FRMD4B: variants seen among roughly 807,000 people sequenced by gnomAD.
FRMD4B encodes FERM domain containing 4B.
Under a neutral mutation model 141.5 loss-of-function variants are expected in FRMD4B, and 74 were observed. That is an observed-to-expected ratio of 0.52 (90% CI 0.43 to 0.63). FRMD4B has a LOEUF of 0.63. Among genes scored for constraint, FRMD4B ranks in the 30% least tolerant of loss-of-function variants. FRMD4B has a pLI of 0.00. For synonymous variants in FRMD4B, 506 were observed against 467.9 expected (o/e 1.08, Z -1.05); for missense variants, 1,366 against 1,253.4 (o/e 1.09, Z -1.36).
intron 1 of FRMD4B, among the ~76,000 whole-genome samples, chr3:69,456,134 A>C (rs369165529): frequency 4.6e-5 from 7 of 152,330 alleles, no homozygotes; most frequent in East Asian, 1.9e-4. Flanking sequence ...GGATGCCCCC[A>C]GAGACAAAAC....
intron 1 of FRMD4B, among the ~76,000 whole-genome samples, chr3:69,375,006 A>G (rs1703928220): frequency 6.8e-6 from 1 of 146,664 alleles, no homozygotes; most frequent in Admixed American, 6.9e-5. Context: ...CTACCCACCA[A>G]CCCACCCACC....
chr3:69,247,229 C>T (rs374066037), intron 7 of FRMD4B, among the ~76,000 whole-genome samples: 3 of 152,020 alleles, frequency 2.0e-5, no homozygotes, highest in Non-Finnish European at 4.4e-5. Context: ...GGAAAGGTAC[C>T]ATTTTACCGA....
chr3:69,437,765 C>A, intron 1 of FRMD4B, among the ~76,000 whole-genome samples: 1 of 125,982 alleles, frequency 7.9e-6, no homozygotes, highest in South Asian at 2.4e-4. Context: ...TGTATAAATA[C>A]TATATATACT....
At chr3:69,361,967 T>C (rs1450483820) in intron 1 of FRMD4B, among the ~76,000 whole-genome samples, 1 of 152,210 alleles carries the variant, frequency 6.6e-6, no homozygotes, top group Non-Finnish European at 1.5e-5. Flanking sequence ...ACACTGCCAA[T>C]ATATGAGAGA....
At chr3:69,237,290 A>C (rs1453682987) in intron 7 of FRMD4B, among the ~76,000 whole-genome samples, 1 of 152,252 alleles carries the variant, frequency 6.6e-6, no homozygotes, top group Admixed American at 6.5e-5. Flanking sequence ...CTCCTAAGCC[A>C]CAGGGTCTTT....
intron 2 of FRMD4B, among the ~76,000 whole-genome samples, chr3:69,393,380 T>C (rs527280439): frequency 6.6e-6 from 1 of 150,426 alleles, no homozygotes; most frequent in African/African-American, 2.4e-5. Flanking sequence ...CTTGTACCCA[T>C]TTTTACTAGT....
intron 2 of FRMD4B, among the ~76,000 whole-genome samples, chr3:69,405,615 C>A (rs1485345768): frequency 1.3e-5 from 2 of 152,332 alleles, no homozygotes; most frequent in African/African-American, 4.8e-5. Flanking sequence ...AGCCGATGTT[C>A]TCTACAAGGG....
At chr3:69,479,303 G>T (rs1037417313) in intron 1 of FRMD4B, among the ~76,000 whole-genome samples, 1 of 151,558 alleles carries the variant, frequency 6.6e-6, no homozygotes, top group African/African-American at 2.4e-5. Context: ...TCCTAGCCTC[G>T]ATGGTCTTTA....
At chr3:69,347,205 T>G (rs1702977160) in intron 1 of FRMD4B, among the ~76,000 whole-genome samples, 1 of 152,130 alleles carries the variant, frequency 6.6e-6, no homozygotes. Flanking sequence ...AAACAGACTT[T>G]AAACCAACAA....
At position 69,181,645 on chromosome 3, in the gene FRMD4B, A is replaced by G. The variant is rs748402987; in HGVS notation, c.2105T>C (p.Leu702Pro). Residue 702 changes from leucine to proline, a missense_variant, in exon 21 of 23, where the codon CTC becomes CCC. Leu to Pro is a moderately conservative substitution (Grantham distance 98). Transcript: ENST00000398540. Reference protein sequence around the residue: ...SGSLESQSHLLSEMDSDKPFF... With the variant: ...SGSLESQSHLPSEMDSDKPFF... ...TGGCTTATCGCTGTCCATCTCGGAG[A>G]GCAGGTGGGACTGGGACTCCAGGCT... 5 of 1,613,364 alleles carry G rather than the reference A, an allele frequency of 3.1e-6. No individual in the cohort carries two copies. The highest frequency in any genetic ancestry group is 4.2e-6 in the Non-Finnish European group (5 of 1,179,382).
At chr3:69,175,843 C>T (rs555552795) in intron 22 of FRMD4B, among the ~76,000 whole-genome samples, 2 of 145,124 alleles carry the variant, frequency 1.4e-5, no homozygotes, top group African/African-American at 5.2e-5. Flanking sequence ...TGCAGTGGCG[C>T]GATCTGGGCT....
At chr3:69,466,058 T>C (rs1346892214) in intron 1 of FRMD4B, among the ~76,000 whole-genome samples, 1 of 152,168 alleles carries the variant, frequency 6.6e-6, no homozygotes, top group Non-Finnish European at 1.5e-5. Flanking sequence ...GCATCTGTTG[T>C]TTCCTGACTT....
intron 2 of FRMD4B, among the ~76,000 whole-genome samples, chr3:69,395,676 T>C (rs1316905955): frequency 2.6e-5 from 4 of 152,144 alleles, no homozygotes; most frequent in Admixed American, 6.5e-5. Context: ...ATCCTAAAAT[T>C]AACTTTTTAG....
chr3:69,522,799 A>C (rs911179514), intron 1 of FRMD4B, among the ~76,000 whole-genome samples: 8 of 152,156 alleles, frequency 5.3e-5, no homozygotes, highest in Non-Finnish European at 1.2e-4. Flanking sequence ...CCAGCTAATA[A>C]GGGAGCCTGG....
chr3:69,424,163 T>C (rs999503057), intron 2 of FRMD4B, among the ~76,000 whole-genome samples: 1 of 152,242 alleles, frequency 6.6e-6, no homozygotes, highest in African/African-American at 2.4e-5. Flanking sequence ...ACTGACTGGC[T>C]GATGAGAATG....
intron 5 of FRMD4B, among the ~76,000 whole-genome samples, chr3:69,277,381 AAAT>A (rs2106969313): frequency 1.3e-5 from 2 of 152,290 alleles, no homozygotes; most frequent in East Asian, 3.9e-4. Context: ...TAAAGAATCA[AAAT>A]AAACCTAGGT....
intron 1 of FRMD4B, among the ~76,000 whole-genome samples, chr3:69,517,382 A>G (rs1700779602): frequency 6.6e-6 from 1 of 152,218 alleles, no homozygotes; most frequent in Non-Finnish European, 1.5e-5. Flanking sequence ...TTGTGAAAAA[A>G]AGAGCACCAG....
chr3:69,260,873 T>C (rs1240899691), intron 5 of FRMD4B, among the ~76,000 whole-genome samples: 1 of 152,248 alleles, frequency 6.6e-6, no homozygotes, highest in Admixed American at 6.5e-5. Context: ...TATATCTAGC[T>C]AGAGGATTGT....
chr3:69,320,960 T>C (rs1181284803), intron 1 of FRMD4B: 1 of 152,240 alleles, frequency 6.6e-6, no homozygotes, highest in African/African-American at 2.4e-5. Context: ...TGCTGATTAC[T>C]GGTGGAAAGA....
Sources: allele counts gnomAD v4.1 joint callset (sites outside exome capture counted in the v4.1 genomes callset), GRCh38; gene constraint gnomAD v4.1.1; transcripts MANE v1.5; gene names NCBI Gene and HGNC (gene_info 2026-07-23, HGNC 2026-07-21).